Variants in OTUD7A observed in about 807,000 individuals in gnomAD.
OTUD7A encodes the protein OTU domain-containing protein 7A.
OTUD7A carries 12 observed loss-of-function variants against 65.7 expected under a neutral mutation model. The ratio of observed to expected loss-of-function variants is 0.18; its 90% confidence interval spans 0.12 to 0.30. The LOEUF (loss-of-function observed/expected upper bound fraction) is 0.30, where lower values mean the gene tolerates loss of function less well. Among genes scored for constraint, OTUD7A ranks in the 10% least tolerant of loss-of-function variants. OTUD7A has a pLI of 1.00. For synonymous variants in OTUD7A, 641 were observed against 586.3 expected (o/e 1.09, Z -1.35); for missense variants, 1,148 against 1,304.8 (o/e 0.88, Z 1.85).
At chr15:31,600,786 C>CA (rs939657640) in intron 3 of OTUD7A, among the ~76,000 whole-genome samples, 16 of 151,032 alleles carry the variant, frequency 1.1e-4, no homozygotes, top group African/African-American at 3.2e-4. Flanking sequence ...AAATGGAAAG[C>CA]AAAAAAAAGC....
chr15:31,651,104 G>A (rs1200719414), intron 3 of OTUD7A, among the ~76,000 whole-genome samples: 1 of 133,576 alleles, frequency 7.5e-6, no homozygotes, highest in Non-Finnish European at 1.6e-5. Context: ...CAAAAGGGCC[G>A]AGCTTCCTAT....
chr15:31,605,840 CCAG>C (rs1165990018), intron 3 of OTUD7A, among the ~76,000 whole-genome samples: 2 of 152,178 alleles, frequency 1.3e-5, no homozygotes, highest in Admixed American at 1.3e-4. Flanking sequence ...CGCCCTCTCT[CCAG>C]CCACCGGGGA....
intron 1 of OTUD7A, among the ~76,000 whole-genome samples, chr15:31,835,642 A>C (rs1367195524): frequency 6.6e-6 from 1 of 152,202 alleles, no homozygotes; most frequent in Admixed American, 6.5e-5. Context: ...GATATTTCAC[A>C]TACGCACACA....
intron 2 of OTUD7A, among the ~76,000 whole-genome samples, chr15:31,656,506 T>C (rs1034711730): frequency 2.6e-5 from 4 of 152,228 alleles, no homozygotes; most frequent in Non-Finnish European, 4.4e-5. Context: ...ATTGAAAAGA[T>C]GTACTTCCTG....
chr15:31,816,352 C>T (rs1168994252), intron 1 of OTUD7A, among the ~76,000 whole-genome samples: 1 of 152,090 alleles, frequency 6.6e-6, no homozygotes, highest in African/African-American at 2.4e-5. Flanking sequence ...AGTTTCTTCC[C>T]CTTAACAACG....
intron 1 of OTUD7A, among the ~76,000 whole-genome samples, chr15:31,796,007 C>A (rs1162543962): frequency 4.6e-5 from 7 of 152,032 alleles, no homozygotes; most frequent in Non-Finnish European, 7.4e-5. Flanking sequence ...ATCCTCGTTT[C>A]ATAGAAGGCT....
intron 3 of OTUD7A, among the ~76,000 whole-genome samples, chr15:31,598,505 C>T (rs1889975965): frequency 6.6e-6 from 1 of 152,190 alleles, no homozygotes. Flanking sequence ...TCTTTGCAAC[C>T]TGCAGACCAG....
At chr15:31,730,035 A>AG (rs1405471847) in intron 1 of OTUD7A, among the ~76,000 whole-genome samples, 1 of 152,190 alleles carries the variant, frequency 6.6e-6, no homozygotes, top group African/African-American at 2.4e-5. Flanking sequence ...TTAGGAGGTG[A>AG]GGCCTTTGGC....
At position 31,480,567 on chromosome 15, in the gene OTUD7A, G is replaced by A. The variant is rs534601594; in HGVS notation, c.*2727C>T. On this transcript the variant is annotated 3_prime_UTR_variant, in exon 13 of 13. Transcript: ENST00000307050. ...GCCATGGAACACGAGGGAAGCCCTT[G>A]GCCCACATGCAGTCAACACAGTTTT... is the stretch of plus-strand genomic sequence containing the variant. The A allele has an allele frequency of 6.6e-6, 1 of 152,432 alleles. No individual in the cohort carries two copies. The highest frequency in any genetic ancestry group is 2.1e-4 in the South Asian group (1 of 4,832). The allele number at this position is 152,432 out of a possible 1,614,324, so 9.4% of individuals were successfully genotyped here. A position where few individuals can be genotyped will look rare whatever the true frequency, so the allele number is the denominator to read the frequency against.
At chr15:31,653,891 T>C (rs916736459) in intron 3 of OTUD7A, among the ~76,000 whole-genome samples, 19 of 148,896 alleles carry the variant, frequency 1.3e-4, no homozygotes, top group African/African-American at 4.2e-4. Flanking sequence ...CTATACTTTT[T>C]TGAGCATCTG....
chr15:31,666,035 G>T (rs1160795461), intron 1 of OTUD7A, among the ~76,000 whole-genome samples: 99 of 140,046 alleles, frequency 7.1e-4, no homozygotes, highest in Non-Finnish European at 1.2e-3. Context: ...TTTTTTTTTT[G>T]ATATTTTGTT....
chr15:31,503,564 A>C, intron 9 of OTUD7A, 127 bp downstream of exon 9: 2 of 1,253,128 alleles, frequency 1.6e-6, no homozygotes, highest in Non-Finnish European at 2.3e-6. Flanking sequence ...CACGTCGAGG[A>C]GATCTTTGCA....
At chr15:31,640,452 T>G (rs1891477961) in intron 3 of OTUD7A, among the ~76,000 whole-genome samples, 1 of 152,190 alleles carries the variant, frequency 6.6e-6, no homozygotes, top group Non-Finnish European at 1.5e-5. Flanking sequence ...TCCTGTGTTT[T>G]TTTCTAGAAG....
intron 1 of OTUD7A, among the ~76,000 whole-genome samples, chr15:31,731,475 T>C (rs12324000): frequency 0.075 from 11,480 of 152,192 alleles, 1,051 homozygotes; most frequent in African/African-American, 0.22. Context: ...GGCTGCATAC[T>C]TTATGACTGA....
intron 5 of OTUD7A, among the ~76,000 whole-genome samples, chr15:31,538,956 T>G (rs578047323): frequency 6.6e-6 from 1 of 152,296 alleles, no homozygotes; most frequent in African/African-American, 2.4e-5. Context: ...CATTATATAT[T>G]CAAATCTTCA....
intron 1 of OTUD7A, among the ~76,000 whole-genome samples, chr15:31,761,873 G>C (rs754187390): frequency 2.6e-5 from 4 of 152,140 alleles, no homozygotes; most frequent in Non-Finnish European, 5.9e-5. Context: ...GATGAACCTT[G>C]AAAACATTAA....
intron 1 of OTUD7A, among the ~76,000 whole-genome samples, chr15:31,745,623 G>A (rs1894455335): frequency 6.6e-6 from 1 of 151,934 alleles, no homozygotes; most frequent in Non-Finnish European, 1.5e-5. Flanking sequence ...TCACAATTGG[G>A]GGTAGCTACA....
At chr15:31,742,958 A>G (rs1326116069) in intron 1 of OTUD7A, among the ~76,000 whole-genome samples, 1 of 152,164 alleles carries the variant, frequency 6.6e-6, no homozygotes. Flanking sequence ...TATATAAAGC[A>G]AAATATGACA....
intron 1 of OTUD7A, chr15:31,768,164 GCC>G (rs1268750771): frequency 1.1e-5 from 16 of 1,481,658 alleles, no homozygotes; most frequent in African/African-American, 1.4e-5. Flanking sequence ...CAGCTTGGTG[GCC>G]CGATAAGGCC....
Sources: gnomAD v4.1 joint callset for allele counts (sites outside exome capture counted in the v4.1 genomes callset) on GRCh38, gnomAD v4.1.1 for gene constraint, MANE v1.5 for transcripts, NCBI Gene and HGNC (gene_info 2026-07-23, HGNC 2026-07-21) for gene names.